SLC66A2: variants seen among roughly 807,000 people sequenced by gnomAD.
SLC66A2 encodes the protein PQ loop repeat containing 1.
SLC66A2 carries 23 observed loss-of-function variants against 25.5 expected under a neutral mutation model. That is an observed-to-expected ratio of 0.90 (90% CI 0.65 to 1.28). The LOEUF (loss-of-function observed/expected upper bound fraction) is 1.28. Among genes scored for constraint, SLC66A2 ranks in the 50% most tolerant of loss-of-function variants. The pLI is 0.00. For missense variants in SLC66A2, 396 were observed against 373.1 expected (o/e 1.06, Z -0.51); for synonymous variants, 193 against 166.5 (o/e 1.16, Z -1.23).
intron 4 of SLC66A2, among the ~76,000 whole-genome samples, chr18:79,923,478 G>C (rs1057201233): frequency 6.6e-6 from 1 of 152,112 alleles, no homozygotes; most frequent in Middle Eastern, 3.2e-3. Context: ...ACCTATTTTA[G>C]TTTCCCCAGG....
intron 5 of SLC66A2, among the ~76,000 whole-genome samples, chr18:79,914,415 A>G (rs1983681594): frequency 6.6e-6 from 1 of 152,152 alleles, no homozygotes; most frequent in South Asian, 2.1e-4. Flanking sequence ...TCGGAGCACA[A>G]AGGAACCTGA....
chr18:79,908,110 ATAACT>A (rs1272051480), intron 5 of SLC66A2, among the ~76,000 whole-genome samples: 4 of 152,136 alleles, frequency 2.6e-5, no homozygotes, highest in Non-Finnish European at 4.4e-5. Flanking sequence ...CATATTTTAA[ATAACT>A]TAAGAAGAAA....
chr18:79,933,292 T>A (rs554622520), intron 4 of SLC66A2, among the ~76,000 whole-genome samples: 1 of 152,354 alleles, frequency 6.6e-6, no homozygotes, highest in Non-Finnish European at 1.5e-5. Flanking sequence ...TGCCTTAACC[T>A]AATGAAGGGC....
chr18:79,912,044 AG>A (rs1192986338), intron 5 of SLC66A2, among the ~76,000 whole-genome samples: 2 of 118,414 alleles, frequency 1.7e-5, no homozygotes, highest in East Asian at 5.8e-4. Context: ...AGGAGCAGGG[AG>A]GGGAACAGTA....
intron 4 of SLC66A2, among the ~76,000 whole-genome samples, chr18:79,924,015 T>C (rs1985609232): frequency 6.8e-6 from 1 of 146,604 alleles, no homozygotes; most frequent in African/African-American, 2.5e-5. Flanking sequence ...GCAGCCTGGG[T>C]GACAGAGTGG....
At position 79,945,009 on chromosome 18, in the gene SLC66A2, CA is replaced by C. The variant is rs766178699; in HGVS notation, c.204-1548del. 13 of 115,272 alleles carry C rather than the reference CA, an allele frequency of 1.1e-4. No homozygotes were observed. In the East Asian group the frequency reaches 2.5e-3, roughly 22 times the overall value. The allele number at this position is 115,272 out of a possible 1,614,324, so 7.1% of individuals were successfully genotyped here. On this transcript the variant is annotated intron_variant, in intron 2 of 5. Transcript: ENST00000397778. ...CACCCCCTTATCAACAGAACAGGAA[CA>C]GGGGGAACCCCATAGCCCCCTCAGC... is the stretch of plus-strand genomic sequence containing the variant.
At chr18:79,928,831 A>G (rs1247195709) in intron 4 of SLC66A2, among the ~76,000 whole-genome samples, 1 of 152,132 alleles carries the variant, frequency 6.6e-6, no homozygotes, top group Admixed American at 6.5e-5. Context: ...GCAGGGGCAG[A>G]GGACACTGAG....
chr18:79,951,083 G>GGACCC (rs1462291602), intron 1 of SLC66A2, 58 bp from the exon 2 acceptor site: 13 of 437,520 alleles, frequency 3.0e-5, no homozygotes, highest in East Asian at 1.7e-4. Flanking sequence ...CGGCGCGCAC[G>GGACCC]GACCCGACCC....
chr18:79,916,241 CCGTGGTG>C (rs2123278929), intron 5 of SLC66A2, among the ~76,000 whole-genome samples: 1 of 111,686 alleles, frequency 9.0e-6, no homozygotes, highest in Admixed American at 8.5e-5. Flanking sequence ...ACTCCCGTAC[CCGTGGTG>C]CTCTCATAGC....
rs368292366 is a variant in SLC66A2 at position 79,904,184 on chromosome 18, C to G, written c.609-1G>C. The G allele has an allele frequency of 3.7e-6, 6 of 1,612,566 alleles. No homozygotes were observed. The highest frequency in any genetic ancestry group is 1.3e-5 in the African/African-American group (1 of 74,860). On this transcript the variant is annotated splice_acceptor_variant, in intron 5 of 5. Coordinates refer to ENST00000397778, the MANE Select transcript of SLC66A2 (RefSeq NM_025078.5). LOFTEE classifies it high-confidence loss of function. The surrounding 1 kb of genome is among the most constrained non-coding windows in gnomAD (Gnocchi z 6.3). ...GGTCCACATGAGCACCATCTTGATG[C>G]TGTGGAGACACAAGCAGGCGGTCAG...
rs754685293 is a variant in SLC66A2 at position 79,919,273 on chromosome 18, G to T, written c.519C>A (p.Thr173=). 6.2e-7 allele frequency: 1 copy of T among 1,613,332 alleles called. No homozygotes were observed. The highest frequency in any genetic ancestry group is 1.1e-5 in the South Asian group (1 of 91,092). The change falls in exon 5 of 6, where the codon ACC becomes ACA. Residue 173 remains threonine, a synonymous_variant. Coordinates refer to ENST00000397778, the MANE Select transcript of SLC66A2 (RefSeq NM_025078.5). ...CGGTCAGCACAGCCAGGAAGCCCAGGGTCTCCACAAACAGGGCGGAGTCAA... is the reference window on the plus strand; with the variant it reads ...CGGTCAGCACAGCCAGGAAGCCCAGTGTCTCCACAAACAGGGCGGAGTCAA... The part of the protein sequence containing the change: ...LSIDSALFVE[T]LGFLAVLTEA...
chr18:79,919,412 G>C lies in SLC66A2; in HGVS notation c.392-12C>G. 1 of 1,610,160 alleles carries C rather than the reference G, an allele frequency of 6.2e-7. No homozygotes were observed. Among genetic ancestry groups the C allele is most frequent in the Non-Finnish European group, 8.5e-7 (1 of 1,177,972 alleles). ...GTGGGGGTCGAAGTCTAGGGCGAGA[G>C]GGAGAAGCAGCCTCAGCACAGCTTA... On this transcript the variant is annotated splice_polypyrimidine_tract_variant and intron_variant, in intron 4 of 5. Coordinates refer to ENST00000397778, the MANE Select transcript of SLC66A2 (RefSeq NM_025078.5).
chr18:79,940,112 T>G lies in SLC66A2; in HGVS notation c.337+3217A>C, dbSNP rs1446989928. ...AGATGGAGCTGGAGGCCATCATCCT[T>G]AGCAAACTAACACGGGAACAGAAGA... On this transcript the variant is annotated intron_variant, in intron 3 of 5. Transcript: ENST00000397778. The surrounding 1 kb of genome is among the most constrained non-coding windows in gnomAD (Gnocchi z 4.1). Among the ~76,000 whole-genome samples, 1 of 152,146 alleles carries G rather than the reference T, an allele frequency of 6.6e-6. No homozygotes were observed. The highest frequency in any genetic ancestry group is 1.5e-5 in the Non-Finnish European group (1 of 68,024).
rs193188648 is a variant in SLC66A2 at position 79,942,066 on chromosome 18, C to T, written c.337+1263G>A. Among the ~76,000 whole-genome samples the T allele has an allele frequency of 1.9e-3, 290 of 152,312 alleles. 2 individuals carry two copies. The highest frequency in any genetic ancestry group is 6.6e-3 in the African/African-American group (273 of 41,570). On this transcript the variant is annotated intron_variant, in intron 3 of 5. Coordinates refer to ENST00000397778, the MANE Select transcript of SLC66A2 (RefSeq NM_025078.5). ...GGTCCAGAGAAGGAGCAAAGCCTTG[C>T]GGGGAGCAAGACCGAGTCACCTAAG... is the stretch of plus-strand genomic sequence containing the variant.
chr18:79,930,341 A>G (rs1369814914), intron 4 of SLC66A2: 3 of 152,342 alleles, frequency 2.0e-5, no homozygotes, highest in African/African-American at 7.2e-5. Flanking sequence ...ATCAACCAAG[A>G]TTCTTACATC....
In SLC66A2 at chr18:79,942,626, T is replaced by C. The variant is rs573593845; in HGVS notation, c.337+703A>G. ...TGAGTGCTGTCTTAGATTTAGTAAT[T>C]AGAAGAAAAACAAAAGGAAGGATTT... On this transcript the variant is annotated intron_variant, in intron 3 of 5. Coordinates refer to ENST00000397778, the MANE Select transcript of SLC66A2 (RefSeq NM_025078.5). Among the ~76,000 whole-genome samples the C allele has an allele frequency of 3.9e-5, 6 of 152,254 alleles. No individual in the cohort carries two copies. The East Asian group carries it at 1.2e-3, about 29-fold the overall frequency.
At chr18:79,910,306 C>T (rs1342855149) in intron 5 of SLC66A2, among the ~76,000 whole-genome samples, 1 of 107,412 alleles carries the variant, frequency 9.3e-6, no homozygotes, top group African/African-American at 3.7e-5. Flanking sequence ...ACCAGAGTCC[C>T]CAACCTTCCC....
In SLC66A2 at chr18:79,937,920, A is replaced by G. The variant is rs771587855; in HGVS notation, c.338-3898T>C. On this transcript the variant is annotated intron_variant, in intron 3 of 5. Transcript: ENST00000397778. This position sits in a 1 kb window ranked among gnomAD's most constrained non-coding sequence, Gnocchi z 5.4. The stretch of plus-strand genomic sequence containing the variant: ...AAATGCAGGTGGCACTGATGCCGCA[A>G]TACAGACCACGGGCAAAGTTGAGAG... Among the ~76,000 whole-genome samples the G allele has an allele frequency of 6.6e-6, 1 of 152,128 alleles. No homozygotes were observed. Among genetic ancestry groups the G allele is most frequent in the Non-Finnish European group, 1.5e-5 (1 of 68,020 alleles).
rs1981785714 is a variant in SLC66A2, at chr18:79,904,624, C to T, written c.609-441G>A. Among the ~76,000 whole-genome samples, 1 of 152,114 alleles carries T rather than the reference C, an allele frequency of 6.6e-6. No individual in the cohort carries two copies. Among genetic ancestry groups the T allele is most frequent in the East Asian group, 1.9e-4 (1 of 5,174 alleles). The stretch of plus-strand genomic sequence containing the variant: ...GGGAGGGGCCGGGCCTGGGAGGGTG[C>T]TGAGGACGCAGATCTGTGCCCCCAG... On this transcript the variant is annotated intron_variant, in intron 5 of 5. Coordinates refer to ENST00000397778, the MANE Select transcript of SLC66A2 (RefSeq NM_025078.5). The surrounding 1 kb of genome is among the most constrained non-coding windows in gnomAD (Gnocchi z 6.3).
Sources: allele counts gnomAD v4.1 joint callset (sites outside exome capture counted in the v4.1 genomes callset), GRCh38; gene constraint gnomAD v4.1.1; non-coding constraint Gnocchi (gnomAD v3.1); transcripts MANE v1.5; gene names NCBI Gene and HGNC (gene_info 2026-07-23, HGNC 2026-07-21).